LHX2: variants seen among roughly 807,000 people sequenced by gnomAD.
LHX2 encodes LIM/homeobox protein Lhx2.
In LHX2, 6 loss-of-function variants were observed where a neutral mutation model predicts 33.0. The ratio of observed to expected loss-of-function variants is 0.18; its 90% CI spans 0.10 to 0.36. The LOEUF (loss-of-function observed/expected upper bound fraction) is 0.36. Ranked by LOEUF, LHX2 falls within the 10% of genes least tolerant of loss-of-function variation. The probability of loss-of-function intolerance (pLI) is 1.00; values close to 1 mark genes in which losing one functional copy is unlikely to be tolerated. For synonymous variants in LHX2, 292 were observed against 253.1 expected, an observed-to-expected ratio of 1.15 and a Z score of -1.46; for missense variants, 442 against 586.2, an observed-to-expected ratio of 0.75 and a Z score of 2.54.
intron 3 of LHX2, among the ~76,000 whole-genome samples, chr9:124,018,834 T>G (rs1187961383): frequency 6.6e-6 from 1 of 152,140 alleles, no homozygotes; most frequent in Non-Finnish European, 1.5e-5. Context: ...TTTCTGTGTT[T>G]GTCTTTTTCT....
Position 124,032,282 on chromosome 9 carries a change from T to A in LHX2, c.934-138T>A. On this transcript the variant is annotated intron_variant, in intron 4 of 4. Transcript: ENST00000373615. This position sits in a 1 kb window ranked among gnomAD's most constrained non-coding sequence, Gnocchi z 4.1. ...ACAAAAAAACCAAAAAAGCAAAATA[T>A]TGCCAACCTGACTTTTTGGATCCTC... The A allele has an allele frequency of 9.1e-7, 1 of 1,096,982 alleles. No individual in the cohort carries two copies. The highest frequency in any genetic ancestry group is 1.3e-6 in the Non-Finnish European group (1 of 790,512). 68.0% of individuals were successfully genotyped at this position (1,096,982 alleles called of 1,614,324 possible).
At chr9:124,024,454 C>G (rs10760307) in intron 4 of LHX2, among the ~76,000 whole-genome samples, 61,318 of 152,104 alleles carry the variant, frequency 0.4, 12,781 homozygotes, top group Admixed American at 0.49. Context: ...TGGTAGTATG[C>G]CTTTGAAAGG....
In LHX2 at chr9:124,026,705, GTCTAA is replaced by G. The variant is rs370844891; in HGVS notation, c.933+5407_933+5411del. ...AGAAATCTGGAAGAGACTCAACTTT[GTCTAA>G]TCTAACATTTCCCAAATTTTATTTG... is the stretch of plus-strand genomic sequence containing the variant. On this transcript the variant is annotated intron_variant, in intron 4 of 4. Coordinates refer to ENST00000373615, the MANE Select transcript of LHX2 (RefSeq NM_004789.4). Among the ~76,000 whole-genome samples, 14 of 152,298 alleles carry G rather than the reference GTCTAA, an allele frequency of 9.2e-5. No individual in the cohort carries two copies. The East Asian group carries it at 2.3e-3, about 25-fold the overall frequency.
rs567656280 is a variant in LHX2, at chr9:124,014,815, G to C, written c.324-307G>C. On this transcript the variant is annotated intron_variant, in intron 2 of 4. Coordinates refer to ENST00000373615, the MANE Select transcript of LHX2 (RefSeq NM_004789.4). This position sits in a 1 kb window ranked among gnomAD's most constrained non-coding sequence, Gnocchi z 4.8. ...GCGCTGGTTTGGAGGGAGGAGTAAAGGTTGAGGAGGGGGTAAGTGGTAAGT... is the reference window on the plus strand; with the variant it reads ...GCGCTGGTTTGGAGGGAGGAGTAAACGTTGAGGAGGGGGTAAGTGGTAAGT... Among the ~76,000 whole-genome samples the C allele has an allele frequency of 2.0e-5, 3 of 152,310 alleles. 1 individual carries two copies. The East Asian group carries it at 5.8e-4, about 29-fold the overall frequency.
intron 3 of LHX2, among the ~76,000 whole-genome samples, chr9:124,018,367 C>T (rs1299688126): frequency 1.3e-5 from 2 of 151,896 alleles, no homozygotes; most frequent in African/African-American, 2.4e-5. Context: ...TCTCGACCCG[C>T]CCCCGGGCAC....
rs533686741 is a variant in LHX2, at chr9:124,021,293, C to A, written c.922C>A (p.Arg308=). The A allele has an allele frequency of 1.2e-6, 2 of 1,613,522 alleles. No individual in the cohort carries two copies. The highest frequency in any genetic ancestry group is 1.3e-5 in the African/African-American group (1 of 75,058). Residue 308 remains arginine, a synonymous_variant, in exon 4 of 5, where the codon CGG becomes AGG. Transcript: ENST00000373615. ...QLAQKTGLTK[R]VLQVWFQNAR... ...CGCGCAAAAGACGGGCCTCACCAAG[C>A]GGGTCCTCCAGGTCAGCCAGGGCCA...
At chr9:124,020,648 G>T (rs1859276146) in intron 3 of LHX2, among the ~76,000 whole-genome samples, 2 of 152,106 alleles carry the variant, frequency 1.3e-5, no homozygotes, top group South Asian at 4.2e-4. Flanking sequence ...CCCTTGCTGA[G>T]CCTCAGTTTC....
rs1281586129 is a variant in LHX2 at position 124,012,851 on chromosome 9, C to T, written c.120+383C>T. On this transcript the variant is annotated intron_variant, in intron 1 of 4. Coordinates refer to ENST00000373615, the MANE Select transcript of LHX2 (RefSeq NM_004789.4). The surrounding 1 kb of genome is among the most constrained non-coding windows in gnomAD (Gnocchi z 4.3). ...CGCCGCGAGCGGCGCCAGGGAAGGGCGAACCAGCTGGGAGCATTGGGGCTC... is the reference window on the plus strand; with the variant it reads ...CGCCGCGAGCGGCGCCAGGGAAGGGTGAACCAGCTGGGAGCATTGGGGCTC... Among the ~76,000 whole-genome samples the T allele has an allele frequency of 6.6e-6, 1 of 152,210 alleles. No individual in the cohort carries two copies. Among genetic ancestry groups the T allele is most frequent in the Admixed American group, 6.5e-5 (1 of 15,290 alleles).
intron 3 of LHX2, among the ~76,000 whole-genome samples, chr9:124,020,593 C>G (rs905579159): frequency 2.0e-5 from 3 of 152,258 alleles, no homozygotes. Context: ...AGGAGGAGGG[C>G]AGGCCCAGAG....
chr9:124,022,414 G>A (rs1859309109), intron 4 of LHX2, among the ~76,000 whole-genome samples: 1 of 152,166 alleles, frequency 6.6e-6, no homozygotes, highest in African/African-American at 2.4e-5. Flanking sequence ...TTCCCCATTC[G>A]TACAAAGAGA....
intron 4 of LHX2, among the ~76,000 whole-genome samples, chr9:124,025,908 C>A (rs921482705): frequency 5.3e-5 from 8 of 151,848 alleles, no homozygotes; most frequent in Non-Finnish European, 1.2e-4. Context: ...TCACTTGAAC[C>A]CAGGAGGTGG....
chr9:124,031,454 AG>A (rs915775757), intron 4 of LHX2, among the ~76,000 whole-genome samples: 2 of 151,520 alleles, frequency 1.3e-5, no homozygotes, highest in Non-Finnish European at 2.9e-5. Flanking sequence ...AAAAGGAAAA[AG>A]AAAAAAAAAA....
In LHX2 at chr9:124,012,276, G is replaced by A. The variant is rs1345407335; in HGVS notation, c.-73G>A. ...CACCGGGCCCGTTAGCGCCAGGAGC[G>A]CCAGGCAGCTGAGGCGGGGGGCAAG... On this transcript the variant is annotated 5_prime_UTR_variant, in exon 1 of 5. Transcript: ENST00000373615. This position sits in a 1 kb window ranked among gnomAD's most constrained non-coding sequence, Gnocchi z 4.3. 11 of 1,377,504 alleles carry A rather than the reference G, an allele frequency of 8.0e-6. No homozygotes were observed. Among genetic ancestry groups the A allele is most frequent in the African/African-American group, 1.5e-5 (1 of 65,286 alleles). The allele number at this position is 1,377,504 out of a possible 1,614,324, so 85.3% of individuals were successfully genotyped here.
At chr9:124,028,804 G>T (rs1828667564) in intron 4 of LHX2, among the ~76,000 whole-genome samples, 1 of 152,116 alleles carries the variant, frequency 6.6e-6, no homozygotes, top group Admixed American at 6.5e-5. Flanking sequence ...GACCCTCTCT[G>T]GTTTTTAAAT....
chr9:124,013,911 G>A, intron 1 of LHX2, 50 bp from the exon 2 acceptor site: 1 of 1,573,468 alleles, frequency 6.4e-7, no homozygotes, highest in Admixed American at 1.7e-5. Context: ...CGGCGGAGGG[G>A]CCGCTGGCTG....
At chr9:124,017,407 C>T (rs909458352) in intron 3 of LHX2, among the ~76,000 whole-genome samples, 3 of 152,204 alleles carry the variant, frequency 2.0e-5, no homozygotes, top group African/African-American at 7.2e-5. Context: ...CCCGGCCTCT[C>T]GGGGCCCAGC....
Position 124,012,565 on chromosome 9 carries a change from C to G in LHX2, c.120+97C>G. On this transcript the variant is annotated intron_variant, in intron 1 of 4. Coordinates refer to ENST00000373615, the MANE Select transcript of LHX2 (RefSeq NM_004789.4). This position sits in a 1 kb window ranked among gnomAD's most constrained non-coding sequence, Gnocchi z 4.3. ...GAAGTTTGGGGAGCGTCCTTCGTGC[C>G]GCACGGGACTGGGTGCTGGGGATCC... 2 of 1,339,386 alleles carry G rather than the reference C, an allele frequency of 1.5e-6. No individual in the cohort carries two copies. Among genetic ancestry groups the G allele is most frequent in the Non-Finnish European group, 1.9e-6 (2 of 1,029,132 alleles). 83.0% of individuals were successfully genotyped at this position (1,339,386 alleles called of 1,614,324 possible).
At position 124,015,641 on chromosome 9, in the gene LHX2, G is replaced by C. The variant is rs1425878674; in HGVS notation, c.727+116G>C. 11 of 1,188,516 alleles carry C rather than the reference G, an allele frequency of 9.3e-6. No homozygotes were observed. Among genetic ancestry groups the C allele is most frequent in the Non-Finnish European group, 1.2e-5 (11 of 880,348 alleles). 73.6% of individuals were successfully genotyped at this position (1,188,516 alleles called of 1,614,324 possible). A position where few individuals can be genotyped will look rare whatever the true frequency, so the allele number is the denominator to read the frequency against. ...GGGCAAATAGCGAGCCTTAAGCACC[G>C]GACGGCCTCGCAGAAGGGACATTAG... On this transcript the variant is annotated intron_variant, in intron 3 of 4. Coordinates refer to ENST00000373615, the MANE Select transcript of LHX2 (RefSeq NM_004789.4). The surrounding 1 kb of genome is among the most constrained non-coding windows in gnomAD (Gnocchi z 7.9).
In LHX2 at chr9:124,016,066, C is replaced by A. The variant is rs554308838; in HGVS notation, c.727+541C>A. Among the ~76,000 whole-genome samples, 1 of 152,356 alleles carries A rather than the reference C, an allele frequency of 6.6e-6. No individual in the cohort carries two copies. Among genetic ancestry groups the A allele is most frequent in the African/African-American group, 2.4e-5 (1 of 41,582 alleles). On this transcript the variant is annotated intron_variant, in intron 3 of 4. Coordinates refer to ENST00000373615, the MANE Select transcript of LHX2 (RefSeq NM_004789.4). The surrounding 1 kb of genome is among the most constrained non-coding windows in gnomAD (Gnocchi z 4.4). ...GGGGAACTCAGGAAAGCAAAGGCTGCGGTTCCTTTTGCTCGGCCCGATCCT... is the reference window on the plus strand; with the variant it reads ...GGGGAACTCAGGAAAGCAAAGGCTGAGGTTCCTTTTGCTCGGCCCGATCCT...
Sources: allele counts gnomAD v4.1 joint callset (sites outside exome capture counted in the v4.1 genomes callset), GRCh38; gene constraint gnomAD v4.1.1; non-coding constraint Gnocchi (gnomAD v3.1); transcripts MANE v1.5; gene names NCBI Gene and HGNC (gene_info 2026-07-23, HGNC 2026-07-21).